The following KIAA1328 variants were observed in gnomAD, a reference collection of about 807,000 sequenced individuals.
KIAA1328 encodes protein hinderin.
Under a neutral mutation model 68.1 loss-of-function variants are expected in KIAA1328, and 52 were observed. The observed-to-expected ratio is 0.76, with a 90% CI of 0.61 to 0.96. The LOEUF (loss-of-function observed/expected upper bound fraction) is 0.96. KIAA1328 is among the 40% of genes least tolerant of loss of function. KIAA1328 has a pLI of 0.00. For missense variants in KIAA1328, 641 were observed against 677.6 expected (o/e 0.95, Z 0.60); for synonymous variants, 232 against 239.4 (o/e 0.97, Z 0.28).
Position 37,067,221 on chromosome 18 carries a change from G to A in KIAA1328, c.908G>A (p.Ser303Asn), listed in dbSNP as rs1308379493. The A allele has an allele frequency of 9.3e-6, 15 of 1,613,986 alleles. No individual in the cohort carries two copies. Among genetic ancestry groups the A allele is most frequent in the Non-Finnish European group, 1.1e-5 (13 of 1,179,880 alleles). ...KECPHLKPTP[S>N]QCCGHRLAAD... Reference sequence around the variant, plus strand: ...TGTCCACATCTTAAGCCTACTCCTAGTCAATGCTGTGGTCATAGACTTGCT... The same window carrying A: ...TGTCCACATCTTAAGCCTACTCCTAATCAATGCTGTGGTCATAGACTTGCT... Residue 303 changes from serine (S) to asparagine (N), a missense_variant, in exon 7 of 10, where the codon AGT becomes AAT. Transcript: ENST00000280020.
chr18:36,910,603 G>A (rs1487787398), intron 5 of KIAA1328, among the ~76,000 whole-genome samples: 1 of 151,964 alleles, frequency 6.6e-6, no homozygotes, highest in Non-Finnish European at 1.5e-5. Context: ...TTGGCAATGT[G>A]GGCTCTTTTT....
intron 7 of KIAA1328, among the ~76,000 whole-genome samples, chr18:37,102,259 C>T (rs2057642560): frequency 1.3e-5 from 2 of 152,122 alleles, no homozygotes; most frequent in Admixed American, 1.3e-4. Flanking sequence ...AAAGAACATA[C>T]TGGGGCCTGT....
chr18:36,832,101 T>G (rs552807720), intron 1 of KIAA1328, among the ~76,000 whole-genome samples: 2 of 152,308 alleles, frequency 1.3e-5, no homozygotes, highest in South Asian at 4.1e-4. Flanking sequence ...CCATAAAATA[T>G]ACATTTGTTG....
At chr18:37,167,900 G>A (rs1407603038) in intron 8 of KIAA1328, among the ~76,000 whole-genome samples, 4 of 151,308 alleles carry the variant, frequency 2.6e-5, no homozygotes, top group Non-Finnish European at 5.9e-5. Context: ...ATCAAAGCCA[G>A]AGACAGATGT....
rs2048768948 is a variant in KIAA1328 at position 36,893,466 on chromosome 18, TGTGTG to T, written c.448+7795_448+7799del. On this transcript the variant is annotated intron_variant, in intron 5 of 9. Coordinates refer to ENST00000280020, the MANE Select transcript of KIAA1328 (RefSeq NM_020776.3). The stretch of plus-strand genomic sequence containing the variant: ...GTGTGTGTGTGTGTGTGTGTGTTTT[TGTGTG>T]TGTGTGTGTGTGTGTGTGTGTGTGT... Among the ~76,000 whole-genome samples the T allele has an allele frequency of 1.6e-4, 5 of 30,918 alleles. No individual in the cohort carries two copies. In the Admixed American group the frequency reaches 1.7e-3, roughly 10 times the overall value. The allele number at this position is 30,918 out of a possible 152,430, so 20.3% of individuals were successfully genotyped here.
intron 6 of KIAA1328, among the ~76,000 whole-genome samples, chr18:37,008,299 C>CCA (rs1037848701): frequency 6.6e-6 from 1 of 152,186 alleles, no homozygotes; most frequent in African/African-American, 2.4e-5. Flanking sequence ...AGACCCAAAG[C>CCA]ATTGTAGCAA....
At chr18:37,054,705 T>G (rs975319930) in intron 6 of KIAA1328, among the ~76,000 whole-genome samples, 34 of 152,172 alleles carry the variant, frequency 2.2e-4, no homozygotes, top group Non-Finnish European at 8.8e-5. Context: ...AAGCTGCCTG[T>G]TGGGTAGTAC....
intron 6 of KIAA1328, among the ~76,000 whole-genome samples, chr18:37,016,555 T>A (rs185090397): frequency 6.6e-6 from 1 of 152,264 alleles, no homozygotes; most frequent in Admixed American, 6.5e-5. Flanking sequence ...CTTCTTTATA[T>A]GTCTGGTAGA....
intron 8 of KIAA1328, among the ~76,000 whole-genome samples, chr18:37,163,164 C>G (rs1017432345): frequency 7.2e-5 from 11 of 152,204 alleles, no homozygotes; most frequent in African/African-American, 2.7e-4. Flanking sequence ...TAGAACCCCC[C>G]TTTCCTGAGC....
At chr18:36,935,640 C>G (rs903284826) in intron 5 of KIAA1328, among the ~76,000 whole-genome samples, 2 of 152,026 alleles carry the variant, frequency 1.3e-5, no homozygotes, top group Non-Finnish European at 2.9e-5. Context: ...TAGTATTCTT[C>G]ATCATACAGA....
intron 6 of KIAA1328, among the ~76,000 whole-genome samples, chr18:36,977,756 C>G: frequency 6.6e-6 from 1 of 152,012 alleles, no homozygotes. Context: ...TAGTCATACT[C>G]ACTGTGAAGG....
intron 3 of KIAA1328, among the ~76,000 whole-genome samples, chr18:36,838,478 C>T (rs527800530): frequency 6.6e-6 from 1 of 152,266 alleles, no homozygotes; most frequent in South Asian, 2.1e-4. Context: ...TTTCAGCTCA[C>T]GTATGTCTGA....
intron 9 of KIAA1328, among the ~76,000 whole-genome samples, chr18:37,201,293 ATAATC>A (rs1184885448): frequency 6.6e-6 from 1 of 152,228 alleles, no homozygotes; most frequent in African/African-American, 2.4e-5. Context: ...AAATGGAAAA[ATAATC>A]TATTCTACTA....
chr18:37,215,236 A>G (rs1055403865), intron 9 of KIAA1328, among the ~76,000 whole-genome samples: 1 of 152,214 alleles, frequency 6.6e-6, no homozygotes, highest in African/African-American at 2.4e-5. Context: ...CCAGTTTTCA[A>G]AGGGAATGCT....
chr18:36,930,076 G>A (rs2050257919), intron 5 of KIAA1328, among the ~76,000 whole-genome samples: 1 of 152,146 alleles, frequency 6.6e-6, no homozygotes, highest in South Asian at 2.1e-4. Context: ...GCCACTGGTA[G>A]AGACCTGTGA....
intron 8 of KIAA1328, among the ~76,000 whole-genome samples, chr18:37,160,642 A>G (rs541365158): frequency 6.6e-6 from 1 of 152,318 alleles, no homozygotes; most frequent in East Asian, 1.9e-4. Flanking sequence ...AGTCAGCAGT[A>G]AGTATGGTCA....
At chr18:36,885,434 A>G in intron 4 of KIAA1328, 123 bp from the exon 5 acceptor site, 1 of 538,294 alleles carries the variant, frequency 1.9e-6, no homozygotes, top group Non-Finnish European at 3.2e-6. Flanking sequence ...ACAAAACAGA[A>G]CAGAGTGTTC....
chr18:37,116,684 T>A (rs2058118565), intron 7 of KIAA1328, among the ~76,000 whole-genome samples: 1 of 152,120 alleles, frequency 6.6e-6, no homozygotes, highest in Non-Finnish European at 1.5e-5. Flanking sequence ...ACTAAAGAGC[T>A]TCTGCACAGC....
At position 37,224,766 on chromosome 18, in the gene KIAA1328, C is replaced by G. The variant is rs955049154; in HGVS notation, c.*2539C>G. On this transcript the variant is annotated 3_prime_UTR_variant, in exon 10 of 10. Coordinates refer to ENST00000280020, the MANE Select transcript of KIAA1328 (RefSeq NM_020776.3). Reference sequence around the variant, plus strand: ...GCTCGTCCAGCCTCTAGACACTTCCCAAAGCAAGACTGGACACATGCCGAG... The same window carrying G: ...GCTCGTCCAGCCTCTAGACACTTCCGAAAGCAAGACTGGACACATGCCGAG... 1.8e-5 allele frequency: 18 copies of G among 985,258 alleles called. No homozygotes were observed. Among genetic ancestry groups the G allele is most frequent in the Admixed American group, 1.2e-4 (2 of 16,260 alleles). 61.0% of individuals were successfully genotyped at this position (985,258 alleles called of 1,614,324 possible).
Sources: allele counts gnomAD v4.1 joint callset (sites outside exome capture counted in the v4.1 genomes callset), GRCh38; gene constraint gnomAD v4.1.1; transcripts MANE v1.5; gene names NCBI Gene and HGNC (gene_info 2026-07-23, HGNC 2026-07-21).